MYT1L: variants seen among roughly 807,000 people sequenced by gnomAD.
MYT1L encodes the protein myelin transcription factor 1 like, also known as myelin transcription factor 1-like protein.
Under a neutral mutation model 126.7 loss-of-function variants are expected in MYT1L, and 12 were observed. That is an observed-to-expected ratio of 0.09 (90% CI 0.06 to 0.15). The LOEUF is 0.15. Ranked by LOEUF, MYT1L falls within the 10% of genes least tolerant of loss-of-function variation. MYT1L has a pLI of 1.00. For missense variants in MYT1L, 979 were observed against 1,585.2 expected, an observed-to-expected ratio of 0.62 and a Z score of 6.49; for synonymous variants, 541 against 604.2, an observed-to-expected ratio of 0.90 and a Z score of 1.53.
At chr2:1,996,237 G>A (rs947419149) in intron 5 of MYT1L, among the ~76,000 whole-genome samples, 1 of 152,242 alleles carries the variant, frequency 6.6e-6, no homozygotes, top group African/African-American at 2.4e-5. Flanking sequence ...CAACCTAACC[G>A]TCTACAGTGG....
intron 3 of MYT1L, among the ~76,000 whole-genome samples, chr2:2,166,391 T>A (rs1199773010): frequency 1.3e-5 from 2 of 152,232 alleles, no homozygotes; most frequent in Non-Finnish European, 2.9e-5. Flanking sequence ...GATTGATACA[T>A]CTCTATGTTA....
At chr2:2,133,819 T>C (rs1281170951) in intron 3 of MYT1L, among the ~76,000 whole-genome samples, 1 of 152,136 alleles carries the variant, frequency 6.6e-6, no homozygotes, top group African/African-American at 2.4e-5. Context: ...TTCCTGACTC[T>C]CCACTATGCC....
chr2:2,217,690 ACAAC>A lies in MYT1L; in HGVS notation c.-420-44706_-420-44703del, dbSNP rs1269126640. ...CATCTCAACAACAACAACAACAACA[ACAAC>A]AACAACAACAACAAAAAAAAAAAAA... On this transcript the variant is annotated intron_variant, in intron 2 of 24. Coordinates refer to ENST00000647738, the MANE Select transcript of MYT1L (RefSeq NM_001303052.2). Among the ~76,000 whole-genome samples the A allele has an allele frequency of 2.4e-3, 266 of 112,412 alleles. 9 individuals are homozygous for A. The highest frequency in any genetic ancestry group is 9.1e-3 in the African/African-American group (226 of 24,844). The allele number at this position is 112,412 out of a possible 152,430, so 73.7% of individuals were successfully genotyped here.
At chr2:1,885,027 C>T (rs2048002182) in intron 18 of MYT1L, among the ~76,000 whole-genome samples, 1 of 152,226 alleles carries the variant, frequency 6.6e-6, no homozygotes, top group Non-Finnish European at 1.5e-5. Flanking sequence ...TCCCTGCAGT[C>T]TCTGACCAGT....
chr2:2,080,844 T>C (rs914642484), intron 3 of MYT1L, among the ~76,000 whole-genome samples: 8 of 152,180 alleles, frequency 5.3e-5, no homozygotes, highest in Admixed American at 5.2e-4. Flanking sequence ...GCAATTTCAC[T>C]CCTAAGATAA....
At chr2:1,839,807 A>G (rs1388738376) in intron 20 of MYT1L, among the ~76,000 whole-genome samples, 1 of 152,230 alleles carries the variant, frequency 6.6e-6, no homozygotes, top group Non-Finnish European at 1.5e-5. Context: ...TTTTCTCAAG[A>G]GCTAGAAGAC....
intron 3 of MYT1L, among the ~76,000 whole-genome samples, chr2:2,082,303 G>C (rs555591487): frequency 2.0e-5 from 3 of 152,258 alleles, no homozygotes; most frequent in African/African-American, 7.2e-5. Context: ...GTCGATGTGG[G>C]GATTGAACTA....
chr2:2,133,433 T>C (rs2082639624), intron 3 of MYT1L, among the ~76,000 whole-genome samples: 1 of 152,204 alleles, frequency 6.6e-6, no homozygotes, highest in South Asian at 2.1e-4. Flanking sequence ...TAATCTCTTA[T>C]GTTGTTATTT....
At chr2:2,193,662 G>C (rs978297347) in intron 2 of MYT1L, among the ~76,000 whole-genome samples, 26 of 152,228 alleles carry the variant, frequency 1.7e-4, no homozygotes, top group African/African-American at 6.0e-4. Flanking sequence ...AGACAAAAGA[G>C]TGAGAATTGA....
At chr2:2,037,782 C>G (rs1394303343) in intron 4 of MYT1L, among the ~76,000 whole-genome samples, 1 of 148,014 alleles carries the variant, frequency 6.8e-6, no homozygotes, top group Admixed American at 6.6e-5. Flanking sequence ...CAAAACAAAA[C>G]CCCCCCAAAA....
At chr2:2,206,803 AGT>A (rs1463718169) in intron 2 of MYT1L, among the ~76,000 whole-genome samples, 3 of 152,116 alleles carry the variant, frequency 2.0e-5, no homozygotes, top group African/African-American at 7.2e-5. Flanking sequence ...ACTATAGACC[AGT>A]GTCTTTTCCA....
chr2:2,091,709 T>C (rs1234730645), intron 3 of MYT1L, among the ~76,000 whole-genome samples: 1 of 152,226 alleles, frequency 6.6e-6, no homozygotes, highest in Non-Finnish European at 1.5e-5. Flanking sequence ...GAAAATCTGT[T>C]GTTAATGTAA....
intron 2 of MYT1L, among the ~76,000 whole-genome samples, chr2:2,221,288 C>T (rs144112329): frequency 4.6e-5 from 7 of 152,014 alleles, no homozygotes; most frequent in South Asian, 2.1e-4. Context: ...TCTTGGAGGG[C>T]GGACTGGGAA....
At chr2:2,167,782 C>T (rs986105808) in intron 3 of MYT1L, among the ~76,000 whole-genome samples, 2 of 152,220 alleles carry the variant, frequency 1.3e-5, no homozygotes, top group African/African-American at 4.8e-5. Context: ...CCTGACTTTG[C>T]AGCTCCTTCT....
intron 21 of MYT1L, among the ~76,000 whole-genome samples, chr2:1,836,770 C>T (rs1194133202): frequency 6.6e-6 from 1 of 151,364 alleles, no homozygotes; most frequent in African/African-American, 2.4e-5. Flanking sequence ...CCCCAAGATT[C>T]CATCAGCCTG....
intron 4 of MYT1L, among the ~76,000 whole-genome samples, chr2:2,022,641 G>A (rs2065148922): frequency 6.6e-6 from 1 of 151,298 alleles, no homozygotes; most frequent in African/African-American, 2.4e-5. Context: ...CCTCTTCCAA[G>A]TGTACTTTCC....
intron 2 of MYT1L, among the ~76,000 whole-genome samples, chr2:2,187,594 TC>T (rs1253220627): frequency 6.6e-6 from 1 of 151,604 alleles, no homozygotes; most frequent in Non-Finnish European, 1.5e-5. Flanking sequence ...GGGGGCACAC[TC>T]CAGGGAATTA....
intron 8 of MYT1L, among the ~76,000 whole-genome samples, chr2:1,955,889 C>A (rs1471925019): frequency 6.6e-6 from 1 of 152,186 alleles, no homozygotes; most frequent in African/African-American, 2.4e-5. Flanking sequence ...CATGAGATTT[C>A]TTAATTGTGC....
At chr2:1,883,998 A>G (rs2047887077) in intron 18 of MYT1L, 1 of 152,240 alleles carries the variant, frequency 6.6e-6, no homozygotes, top group South Asian at 2.1e-4. Flanking sequence ...GGGTAAGACC[A>G]GGCAAAGTGT....
Sources: allele counts gnomAD v4.1 joint callset (sites outside exome capture counted in the v4.1 genomes callset), GRCh38; gene constraint gnomAD v4.1.1; transcripts MANE v1.5; gene names NCBI Gene and HGNC (gene_info 2026-07-23, HGNC 2026-07-21).